Variants in STRA6 observed in about 807,000 individuals in gnomAD.
STRA6 encodes signaling receptor and transporter of retinol STRA6.
Under a neutral mutation model 83.6 loss-of-function variants are expected in STRA6, and 48 were observed. That is an observed-to-expected ratio of 0.57 (90% confidence interval 0.46 to 0.73). The LOEUF is 0.73. Ranked by LOEUF, STRA6 falls within the 30% of genes least tolerant of loss-of-function variation. The probability of loss-of-function intolerance (pLI) is 0.00; values close to 1 mark genes in which losing one functional copy is unlikely to be tolerated. For synonymous variants in STRA6, 353 were observed against 362.3 expected, an observed-to-expected ratio of 0.97 and a Z score of 0.29; for missense variants, 760 against 838.8, an observed-to-expected ratio of 0.91 and a Z score of 1.16.
At chr15:74,189,733 G>A (rs1308936634) in intron 11 of STRA6, among the ~76,000 whole-genome samples, 12 of 149,296 alleles carry the variant, frequency 8.0e-5, no homozygotes, top group African/African-American at 2.2e-4. Context: ...GCGCGATCTC[G>A]GCTCACTGCA....
chr15:74,199,195 C>T (rs1408855381), intron 2 of STRA6, among the ~76,000 whole-genome samples: 1 of 152,238 alleles, frequency 6.6e-6, no homozygotes, highest in Non-Finnish European at 1.5e-5. Context: ...GGCATCAAGG[C>T]TGCATTATCC....
At position 74,194,943 on chromosome 15, in the gene STRA6, A is replaced by G. The variant is rs1312920747; in HGVS notation, c.597+359T>C. 7 of 1,424,750 alleles carry G rather than the reference A, an allele frequency of 4.9e-6. No homozygotes were observed. In the African/African-American group the frequency reaches 1.0e-4, roughly 21 times the overall value. The allele number at this position is 1,424,750 out of a possible 1,614,324, so 88.3% of individuals were successfully genotyped here. A position where few individuals can be genotyped will look rare whatever the true frequency, so the allele number is the denominator to read the frequency against. On this transcript the variant is annotated intron_variant, in intron 7 of 18. Coordinates refer to ENST00000395105, the MANE Select transcript of STRA6 (RefSeq NM_022369.4). ...GACTTCGCACTTGCCGGCCTCCATC[A>G]AGCTTCACTCCCATTCCCTCTCCAG...
At chr15:74,209,407 T>C, upstream of STRA6, 1 of 1,535,606 alleles carries the variant, frequency 6.5e-7, no homozygotes, top group Non-Finnish European at 8.7e-7. Context: ...GCCTGATGAA[T>C]TGCCAGAGGG....
At chr15:74,195,022 C>G in intron 7 of STRA6, 2 of 1,434,482 alleles carry the variant, frequency 1.4e-6, no homozygotes, top group Non-Finnish European at 1.8e-6. Flanking sequence ...GGGTGGGGGC[C>G]ATTTCAGGCT....
At chr15:74,182,039 A>G (rs2073019143) in intron 16 of STRA6, 122 bp downstream of exon 16, 2 of 888,186 alleles carry the variant, frequency 2.3e-6, no homozygotes, top group Non-Finnish European at 1.8e-6. Context: ...TCTTTCTACT[A>G]TCATCTGGGT....
Position 74,190,914 on chromosome 15 carries a change from AAGGAAGG to A in STRA6, c.866-20_866-14del. The A allele has an allele frequency of 6.2e-7, 1 of 1,614,156 alleles. No homozygotes were observed. Among genetic ancestry groups the A allele is most frequent in the Non-Finnish European group, 8.5e-7 (1 of 1,180,032 alleles). On this transcript the variant is annotated splice_polypyrimidine_tract_variant and intron_variant, in intron 10 of 18. Transcript: ENST00000395105. Reference sequence around the variant, plus strand: ...GGGAGATGGAATCCTGTAGTCCTCAAAGGAAGGAGTATGGTGAACAGCACCACTCAGG... The same window carrying A: ...GGGAGATGGAATCCTGTAGTCCTCAAAGTATGGTGAACAGCACCACTCAGG...
intron 1 of STRA6, among the ~76,000 whole-genome samples, chr15:74,208,396 G>A (rs1238799975): frequency 6.6e-6 from 1 of 152,096 alleles, no homozygotes; most frequent in Non-Finnish European, 1.5e-5. Context: ...TGGCCACCGT[G>A]GTGTGGCCTT....
At chr15:74,185,985 G>A (rs1396195684) in intron 12 of STRA6, among the ~76,000 whole-genome samples, 1 of 152,240 alleles carries the variant, frequency 6.6e-6, no homozygotes, top group African/African-American at 2.4e-5. Context: ...AGGACGGGGA[G>A]AGCAAACACA....
intron 11 of STRA6, 52 bp downstream of exon 11, chr15:74,190,788 G>T (rs2073490737): frequency 6.2e-7 from 1 of 1,613,450 alleles, no homozygotes; most frequent in East Asian, 2.2e-5. Flanking sequence ...CAGGCTTGGG[G>T]GTTGAGGGCA....
At chr15:74,186,848 G>C (rs938458008) in intron 12 of STRA6, among the ~76,000 whole-genome samples, 2 of 152,206 alleles carry the variant, frequency 1.3e-5, no homozygotes, top group Admixed American at 1.3e-4. Flanking sequence ...TGATTCAGTA[G>C]GTCTGGCACA....
intron 14 of STRA6, 156 bp downstream of exon 14, chr15:74,183,700 G>A: frequency 6.3e-7 from 1 of 1,577,234 alleles, no homozygotes; most frequent in Non-Finnish European, 8.6e-7. Flanking sequence ...TAAGGGCAGG[G>A]AAGGCAGGGG....
intron 2 of STRA6, among the ~76,000 whole-genome samples, chr15:74,198,520 T>C (rs74323617): frequency 2.0e-5 from 3 of 152,320 alleles, no homozygotes; most frequent in South Asian, 2.1e-4. Flanking sequence ...AGAACTGCAG[T>C]TGAGCACACT....
chr15:74,181,456 C>T lies in STRA6; in HGVS notation c.1523G>A (p.Arg508Gln), dbSNP rs758321198. 3.7e-6 allele frequency: 6 copies of T among 1,613,676 alleles called. No individual in the cohort carries two copies. Among genetic ancestry groups the T allele is most frequent in the South Asian group, 1.1e-5 (1 of 90,998 alleles). ...HDGHPQLTNR[R>Q]VLYAATFLLF... ...AAGAAAGGTGGCTGCATAGAGCACT[C>T]GCCTAGGATGGGAGAAGAAAGCTGA... is the stretch of plus-strand genomic sequence containing the variant. The change falls in exon 17 of 19, where the codon CGA becomes CAA. Residue 508 changes from arginine (R) to glutamine (Q), a missense_variant and splice_region_variant. Transcript: ENST00000395105.
rs762552176 is a variant in STRA6 at position 74,180,174 on chromosome 15, G to C, written c.1910C>G (p.Ala637Gly). 3.7e-6 allele frequency: 6 copies of C among 1,614,012 alleles called. No individual in the cohort carries two copies. In the South Asian group the frequency reaches 6.6e-5, roughly 18 times the overall value. ...CAGCGTGTAGGCCAGACCCCAGCGAGCCCTGCCGCGGCTGGCCCCGGGCCT... is the reference window on the plus strand; with the variant it reads ...CAGCGTGTAGGCCAGACCCCAGCGACCCCTGCCGCGGCTGGCCCCGGGCCT... ...GARPGASRGR[A>G]RWGLAYTLLH... Residue 637 changes from alanine to glycine, a missense_variant, in exon 19 of 19, where the codon GCT (alanine) becomes GGT (glycine). Transcript: ENST00000395105.
At chr15:74,184,908 C>G (rs1462723236) in intron 13 of STRA6, 72 bp downstream of exon 13, 2 of 1,498,150 alleles carry the variant, frequency 1.3e-6, no homozygotes, top group Non-Finnish European at 1.8e-6. Context: ...GGCCCAGGGC[C>G]TCCCCGCAGG....
At chr15:74,202,579 C>T in intron 1 of STRA6, 134 bp downstream of exon 1, 2 of 1,469,698 alleles carry the variant, frequency 1.4e-6, no homozygotes, top group Non-Finnish European at 1.8e-6. Flanking sequence ...GCTGGCGCAT[C>T]TGTCTGACCA....
chr15:74,207,696 C>T, upstream of STRA6: 1 of 1,535,628 alleles, frequency 6.5e-7, no homozygotes, highest in Non-Finnish European at 8.7e-7. Context: ...ACTGTGCCCA[C>T]CTGTGCAGCC....
intron 18 of STRA6, 95 bp from the exon 19 acceptor site, chr15:74,180,338 C>A (rs1161918640): frequency 6.6e-7 from 1 of 1,514,472 alleles, no homozygotes. Context: ...AAATCCCAGG[C>A]GTGTGCAGGT....
chr15:74,191,285 C>G, intron 9 of STRA6, 42 bp from the exon 10 acceptor site: 1 of 1,610,796 alleles, frequency 6.2e-7, no homozygotes, highest in Non-Finnish European at 8.5e-7. Flanking sequence ...TCAGGGGAAG[C>G]CCATTCCCTG....
Sources: allele counts gnomAD v4.1 joint callset (sites outside exome capture counted in the v4.1 genomes callset), GRCh38; gene constraint gnomAD v4.1.1; transcripts MANE v1.5; gene names NCBI Gene and HGNC (gene_info 2026-07-23, HGNC 2026-07-21).